The following BATF variants were observed in gnomAD, a reference collection of about 807,000 sequenced individuals.
The protein encoded by BATF is basic leucine zipper transcriptional factor ATF-like.
In BATF, 5 loss-of-function variants were observed where a neutral mutation model predicts 13.7. That is an observed-to-expected ratio of 0.36 (90% CI 0.19 to 0.77). The LOEUF is 0.77. BATF is among the 30% of genes least tolerant of loss of function. BATF has a pLI of 0.51. For missense variants in BATF, 124 were observed against 163.0 expected (o/e 0.76, Z 1.30); for synonymous variants, 72 against 67.5 (o/e 1.07, Z -0.33).
chr14:75,536,827 C>A (rs1446570297), intron 2 of BATF, among the ~76,000 whole-genome samples: 5 of 152,100 alleles, frequency 3.3e-5, no homozygotes, highest in Admixed American at 1.3e-4. Flanking sequence ...TAATTCAAAC[C>A]CTGCCTGGGG....
intron 2 of BATF, among the ~76,000 whole-genome samples, chr14:75,525,427 C>T (rs1467397860): frequency 1.3e-5 from 2 of 151,862 alleles, no homozygotes; most frequent in African/African-American, 4.8e-5. Context: ...TTTTGGGAGG[C>T]CAAGGCGGGT....
Position 75,546,566 on chromosome 14 carries a change from C to A in BATF, c.273C>A (p.Pro91=). The A allele has an allele frequency of 6.2e-7, 1 of 1,614,144 alleles. No homozygotes were observed. The highest frequency in any genetic ancestry group is 8.5e-7 in the Non-Finnish European group (1 of 1,179,994). Residue 91 remains proline (P), a synonymous_variant, in exon 3 of 3, where the codon CCC becomes CCA. Coordinates refer to ENST00000286639, the MANE Select transcript of BATF (RefSeq NM_006399.5). ...YFTSVLNSHE[P]LCSVLAASTP... ...CGTCGGTGCTGAACAGCCACGAGCC[C>A]CTGTGCTCGGTGCTGGCCGCCAGCA... is the stretch of plus-strand genomic sequence containing the variant.
At chr14:75,538,392 A>G (rs1566768494) in intron 2 of BATF, among the ~76,000 whole-genome samples, 1 of 152,232 alleles carries the variant, frequency 6.6e-6, no homozygotes, top group African/African-American at 2.4e-5. Context: ...TCTGGCATCC[A>G]GGAATCCAGA....
intron 2 of BATF, among the ~76,000 whole-genome samples, chr14:75,542,155 A>C (rs1399558469): frequency 6.6e-6 from 1 of 152,130 alleles, no homozygotes; most frequent in Non-Finnish European, 1.5e-5. Flanking sequence ...CTTGAGGTGA[A>C]TCCTATAGCA....
At chr14:75,523,701 T>G (rs1343383276) in intron 1 of BATF, among the ~76,000 whole-genome samples, 6 of 152,352 alleles carry the variant, frequency 3.9e-5, no homozygotes, top group African/African-American at 1.4e-4. Context: ...AAAACTTCAT[T>G]CTTTCCTTAG....
intron 2 of BATF, among the ~76,000 whole-genome samples, chr14:75,537,924 A>C (rs916607608): frequency 6.6e-6 from 1 of 152,164 alleles, no homozygotes; most frequent in Non-Finnish European, 1.5e-5. Flanking sequence ...TTTGTTAACA[A>C]ACAAATTTAA....
chr14:75,537,857 CAGT>C (rs1445963884), intron 2 of BATF, among the ~76,000 whole-genome samples: 4 of 151,970 alleles, frequency 2.6e-5, no homozygotes, highest in African/African-American at 9.7e-5. Flanking sequence ...TTAAGGATAT[CAGT>C]AGTTTCAGGG....
intron 2 of BATF, among the ~76,000 whole-genome samples, chr14:75,537,174 G>A (rs1400351513): frequency 1.3e-5 from 2 of 152,130 alleles, no homozygotes; most frequent in African/African-American, 2.4e-5. Context: ...GAAATGGCAC[G>A]ACGAAGTTCT....
Position 75,525,433 on chromosome 14 carries a change from C to A in BATF, c.168+245C>A, listed in dbSNP as rs1304749893. On this transcript the variant is annotated intron_variant, in intron 2 of 2. Coordinates refer to ENST00000286639, the MANE Select transcript of BATF (RefSeq NM_006399.5). ...ATCCCAGCATTTTGGGAGGCCAAGG[C>A]GGGTGGGTCACCTGAGGTCAGGAGT... Among the ~76,000 whole-genome samples the A allele has an allele frequency of 1.3e-5, 2 of 151,790 alleles. 1 individual carries two copies. The highest frequency in any genetic ancestry group is 3.9e-4 in the East Asian group (2 of 5,156).
rs867753230 is a variant in BATF, at chr14:75,525,146, G to A, written c.126G>A (p.Lys42=). Residue 42 remains lysine (K), a synonymous_variant, in exon 2 of 3, where the codon AAG becomes AAA. Coordinates refer to ENST00000286639, the MANE Select transcript of BATF (RefSeq NM_006399.5). ...RREKNRIAAQ[K]SRQRQTQKAD... is the part of the protein sequence containing the mutation. ...AGAAAAATCGTATTGCCGCCCAGAA[G>A]AGCCGACAGAGGCAGACACAGAAGG... 3 of 1,614,100 alleles carry A rather than the reference G, an allele frequency of 1.9e-6. No individual in the cohort carries two copies. Among genetic ancestry groups the A allele is most frequent in the Non-Finnish European group, 2.5e-6 (3 of 1,179,998 alleles).
At chr14:75,525,616 G>T (rs1274643271) in intron 2 of BATF, among the ~76,000 whole-genome samples, 1 of 147,742 alleles carries the variant, frequency 6.8e-6, no homozygotes, top group African/African-American at 2.5e-5. Flanking sequence ...CCGAGATCGC[G>T]CCATTGCATT....
intron 2 of BATF, among the ~76,000 whole-genome samples, chr14:75,528,044 TA>T (rs1234949500): frequency 6.6e-5 from 10 of 152,202 alleles, no homozygotes; most frequent in Non-Finnish European, 1.2e-4. Context: ...ATTATCCTCT[TA>T]ATTATGTCTG....
intron 2 of BATF, among the ~76,000 whole-genome samples, chr14:75,534,052 T>C (rs192913467): frequency 2.1e-3 from 326 of 152,314 alleles, no homozygotes; most frequent in African/African-American, 7.3e-3. Context: ...CGGCTATACA[T>C]GAGACCAGAA....
In BATF at chr14:75,546,798, C is replaced by A; in HGVS notation, c.*127C>A. 1 of 1,262,318 alleles carries A rather than the reference C, an allele frequency of 7.9e-7. No homozygotes were observed. Among genetic ancestry groups the A allele is most frequent in the Non-Finnish European group, 1.1e-6 (1 of 908,470 alleles). The allele number at this position is 1,262,318 out of a possible 1,614,324, so 78.2% of individuals were successfully genotyped here. On this transcript the variant is annotated 3_prime_UTR_variant, in exon 3 of 3. Coordinates refer to ENST00000286639, the MANE Select transcript of BATF (RefSeq NM_006399.5). ...CAGAGGCCTGGACAAGGAGTGAACA[C>A]GGGAACTGTCACGACTGGAAGGGCG...
At chr14:75,537,475 A>G (rs779363962) in intron 2 of BATF, among the ~76,000 whole-genome samples, 21 of 152,338 alleles carry the variant, frequency 1.4e-4, no homozygotes, top group Non-Finnish European at 2.4e-4. Flanking sequence ...TTGATCGAAC[A>G]CTTACTCTAT....
rs779611052 is a variant in BATF, at chr14:75,546,420, T to A, written c.169-42T>A. On this transcript the variant is annotated intron_variant, in intron 2 of 2. Coordinates refer to ENST00000286639, the MANE Select transcript of BATF (RefSeq NM_006399.5). ...TCCGCACCCCACCCACCTTGCCTCC[T>A]TCCTAGACACTAACCTCCGGTGCTG... The A allele has an allele frequency of 2.1e-5, 33 of 1,606,994 alleles. No individual in the cohort carries two copies. In the Middle Eastern group the frequency reaches 8.3e-4, roughly 40 times the overall value.
At chr14:75,545,437 G>A (rs535098202) in intron 2 of BATF, among the ~76,000 whole-genome samples, 134 of 118,760 alleles carry the variant, frequency 1.1e-3, no homozygotes, top group African/African-American at 3.6e-3. Flanking sequence ...GTTTCACCAT[G>A]TTGGCCAGGC....
chr14:75,522,674 A>G lies in BATF; in HGVS notation c.-9A>G. 1 of 1,614,040 alleles carries G rather than the reference A, an allele frequency of 6.2e-7. No homozygotes were observed. Among genetic ancestry groups the G allele is most frequent in the Non-Finnish European group, 8.5e-7 (1 of 1,179,994 alleles). On this transcript the variant is annotated 5_prime_UTR_variant, in exon 1 of 3. Transcript: ENST00000286639. ...GGGGCTGAGTGTGAGAGCCCGGAAG[A>G]TTTCAGCCATGCCTCACAGCTCCGA...
At chr14:75,526,678 G>A (rs756362074) in intron 2 of BATF, among the ~76,000 whole-genome samples, 3 of 152,200 alleles carry the variant, frequency 2.0e-5, no homozygotes, top group Non-Finnish European at 2.9e-5. Flanking sequence ...AAGAATGAAT[G>A]AACAGAAAGT....
Sources: allele counts gnomAD v4.1 joint callset (sites outside exome capture counted in the v4.1 genomes callset), GRCh38; gene constraint gnomAD v4.1.1; transcripts MANE v1.5; gene names NCBI Gene and HGNC (gene_info 2026-07-23, HGNC 2026-07-21).